Variants in CDH12 observed in about 807,000 individuals in gnomAD.
The protein encoded by CDH12 is cadherin-12.
A neutral mutation model predicts 74.1 loss-of-function variants in CDH12; 41 were observed. The observed-to-expected ratio is 0.55, with a 90% CI of 0.43 to 0.72. The LOEUF (loss-of-function observed/expected upper bound fraction) is 0.72. Among genes scored for constraint, CDH12 ranks in the 30% least tolerant of loss-of-function variants. The pLI is 0.00. For synonymous variants in CDH12, 399 were observed against 355.0 expected, an observed-to-expected ratio of 1.12 and a Z score of -1.39; for missense variants, 945 against 977.2, an observed-to-expected ratio of 0.97 and a Z score of 0.44.
intron 5 of CDH12, among the ~76,000 whole-genome samples, chr5:22,044,962 T>TA (rs1417550277): frequency 6.6e-6 from 1 of 152,130 alleles, no homozygotes; most frequent in African/African-American, 2.4e-5. Flanking sequence ...AAAGCTTCTA[T>TA]ACAGCAAATG....
At chr5:22,733,257 A>G (rs896060177) in intron 1 of CDH12, among the ~76,000 whole-genome samples, 4 of 151,910 alleles carry the variant, frequency 2.6e-5, no homozygotes, top group Non-Finnish European at 5.9e-5. Flanking sequence ...GCTTCATCAC[A>G]ATGTTAATTA....
intron 5 of CDH12, among the ~76,000 whole-genome samples, chr5:22,055,998 C>T (rs1442500805): frequency 6.6e-6 from 1 of 151,952 alleles, no homozygotes; most frequent in Non-Finnish European, 1.5e-5. Context: ...AATATAAAGT[C>T]TTTTTTGCAT....
intron 1 of CDH12, among the ~76,000 whole-genome samples, chr5:22,548,821 G>A (rs1164111911): frequency 6.6e-6 from 1 of 152,014 alleles, no homozygotes. Context: ...GTTTGTGGGG[G>A]CATGTCGCAT....
intron 1 of CDH12, among the ~76,000 whole-genome samples, chr5:22,540,878 A>T (rs1210503349): frequency 6.6e-6 from 1 of 152,188 alleles, no homozygotes; most frequent in African/African-American, 2.4e-5. Context: ...ATATGCATTT[A>T]TATATATAGC....
intron 1 of CDH12, among the ~76,000 whole-genome samples, chr5:22,593,333 A>G (rs186703384): frequency 1.3e-5 from 2 of 152,292 alleles, no homozygotes; most frequent in Non-Finnish European, 2.9e-5. Flanking sequence ...ATTTGCTAAA[A>G]TTAATTCTAA....
At chr5:22,016,543 G>A in intron 5 of CDH12, among the ~76,000 whole-genome samples, 1 of 151,790 alleles carries the variant, frequency 6.6e-6, no homozygotes, top group East Asian at 1.9e-4. Flanking sequence ...CTACAGGAAT[G>A]TCCAGCTAAC....
At chr5:22,302,983 A>G (rs571488046) in intron 3 of CDH12, among the ~76,000 whole-genome samples, 2 of 152,264 alleles carry the variant, frequency 1.3e-5, no homozygotes, top group South Asian at 4.1e-4. Context: ...TTGAATAACT[A>G]AGAAGTGTAT....
intron 6 of CDH12, among the ~76,000 whole-genome samples, chr5:21,919,575 T>C (rs1196224964): frequency 1.3e-5 from 2 of 152,146 alleles, no homozygotes; most frequent in East Asian, 3.8e-4. Context: ...TCTGTCATTT[T>C]CGCAGGCCAA....
intron 10 of CDH12, among the ~76,000 whole-genome samples, chr5:21,801,401 A>G (rs1747103916): frequency 6.6e-6 from 1 of 152,184 alleles, no homozygotes; most frequent in Non-Finnish European, 1.5e-5. Flanking sequence ...TTGGTTTCTC[A>G]ACAGCTGTAG....
intron 1 of CDH12, among the ~76,000 whole-genome samples, chr5:22,600,108 T>C (rs1736786206): frequency 6.6e-6 from 1 of 152,182 alleles, no homozygotes; most frequent in South Asian, 2.1e-4. Flanking sequence ...TATACCTGTG[T>C]GCTGTTGGGC....
At chr5:22,822,823 C>G (rs182460363) in intron 1 of CDH12, among the ~76,000 whole-genome samples, 3 of 152,004 alleles carry the variant, frequency 2.0e-5, no homozygotes, top group Admixed American at 2.0e-4. Context: ...AAGTCAGTGT[C>G]GCCATTTCTC....
intron 3 of CDH12, among the ~76,000 whole-genome samples, chr5:22,394,046 G>T (rs913084234): frequency 1.3e-5 from 2 of 152,114 alleles, no homozygotes; most frequent in Non-Finnish European, 2.9e-5. Flanking sequence ...ACCAGCATTT[G>T]ATGACTCAAG....
At chr5:22,261,073 G>GTGTGTA (rs749471575) in intron 3 of CDH12, among the ~76,000 whole-genome samples, 9 of 150,084 alleles carry the variant, frequency 6.0e-5, no homozygotes, top group South Asian at 2.1e-4. Flanking sequence ...GTGTGTGTGT[G>GTGTGTA]TATATACACA....
intron 1 of CDH12, among the ~76,000 whole-genome samples, chr5:22,690,263 T>C (rs925168438): frequency 1.3e-5 from 2 of 152,164 alleles, no homozygotes; most frequent in African/African-American, 4.8e-5. Flanking sequence ...AAATTAAATC[T>C]TCTTCCTGAT....
At chr5:22,039,343 C>A (rs996994738) in intron 5 of CDH12, among the ~76,000 whole-genome samples, 3 of 152,040 alleles carry the variant, frequency 2.0e-5, no homozygotes, top group African/African-American at 4.8e-5. Context: ...ACCTAAGCTA[C>A]TAGGGGGTGC....
At chr5:22,019,074 T>C (rs1737797109) in intron 5 of CDH12, among the ~76,000 whole-genome samples, 1 of 149,670 alleles carries the variant, frequency 6.7e-6, no homozygotes, top group African/African-American at 2.5e-5. Flanking sequence ...AAAAAAAAAA[T>C]TAAAAAGAAG....
intron 3 of CDH12, among the ~76,000 whole-genome samples, chr5:22,220,810 T>A (rs970368655): frequency 6.6e-6 from 1 of 151,796 alleles, no homozygotes; most frequent in Non-Finnish European, 1.5e-5. Context: ...GGTGGTTGCA[T>A]GAACAGAAAT....
intron 1 of CDH12, among the ~76,000 whole-genome samples, chr5:22,565,308 TG>T (rs1739236190): frequency 6.6e-6 from 1 of 152,222 alleles, no homozygotes; most frequent in Admixed American, 6.5e-5. Flanking sequence ...GTTTAGTTTT[TG>T]AGGAATCTCC....
intron 2 of CDH12, among the ~76,000 whole-genome samples, chr5:22,406,867 A>C (rs1434005915): frequency 6.6e-6 from 1 of 152,152 alleles, no homozygotes; most frequent in Non-Finnish European, 1.5e-5. Context: ...TAATTAACTA[A>C]TACCAAGTAT....
Sources: gnomAD v4.1 joint callset for allele counts (sites outside exome capture counted in the v4.1 genomes callset) on GRCh38, gnomAD v4.1.1 for gene constraint, MANE v1.5 for transcripts, NCBI Gene and HGNC (gene_info 2026-07-23, HGNC 2026-07-21) for gene names.